The following MANBA variants were observed in gnomAD, a reference collection of about 807,000 sequenced individuals.
MANBA encodes the protein mannosidase beta, also known as beta-mannosidase.
MANBA carries 83 observed loss-of-function variants against 111.1 expected under a neutral mutation model. The ratio of observed to expected loss-of-function variants is 0.75; its 90% CI spans 0.63 to 0.90. The LOEUF (loss-of-function observed/expected upper bound fraction) is 0.90. Ranked by LOEUF, MANBA falls within the 40% of genes least tolerant of loss-of-function variation. MANBA has a pLI of 0.00. For synonymous variants in MANBA, 370 were observed against 378.7 expected, an observed-to-expected ratio of 0.98 and a Z score of 0.27; for missense variants, 1,036 against 1,069.0, an observed-to-expected ratio of 0.97 and a Z score of 0.43.
At chr4:102,707,716 T>C (rs1733363223) in intron 5 of MANBA, among the ~76,000 whole-genome samples, 1 of 152,138 alleles carries the variant, frequency 6.6e-6, no homozygotes, top group East Asian at 1.9e-4. Context: ...ATAAATTGAC[T>C]GACAGGATTT....
chr4:102,748,806 G>A (rs113256982), intron 1 of MANBA, among the ~76,000 whole-genome samples: 4,919 of 152,128 alleles, frequency 0.032, 255 homozygotes, highest in African/African-American at 0.11. Context: ...CCGGCTACTC[G>A]GGAGGCTGAG....
Position 102,722,979 on chromosome 4 carries a change from C to T in MANBA, c.441G>A (p.Ala147=), listed in dbSNP as rs773777923. ...VNSIELRFQS[A]VLYAAQQSKA... is the part of the protein sequence containing the mutation. ...TGCTCTGCTGTGCTGCATACAACACCGCTGACTGGAAACGCAGCTCAATGG... is the reference window on the plus strand; with the variant it reads ...TGCTCTGCTGTGCTGCATACAACACTGCTGACTGGAAACGCAGCTCAATGG... Residue 147 remains alanine, a synonymous_variant, in exon 4 of 17, where the codon GCG becomes GCA. Transcript: ENST00000647097. The T allele has an allele frequency of 9.9e-6, 16 of 1,614,022 alleles. No homozygotes were observed. Among genetic ancestry groups the T allele is most frequent in the African/African-American group, 8.0e-5 (6 of 74,938 alleles).
At chr4:102,676,815 G>A (rs574945459) in intron 7 of MANBA, among the ~76,000 whole-genome samples, 4 of 152,290 alleles carry the variant, frequency 2.6e-5, no homozygotes, top group African/African-American at 9.6e-5. Flanking sequence ...CGTTACAAAA[G>A]CAGTGGTGGG....
At chr4:102,681,389 C>G (rs1731969125) in intron 7 of MANBA, 5 of 151,946 alleles carry the variant, frequency 3.3e-5, no homozygotes, top group Admixed American at 2.6e-4. Flanking sequence ...TCTGCCACCC[C>G]CTACTAAAGC....
chr4:102,688,007 G>T (rs376679726), intron 7 of MANBA, among the ~76,000 whole-genome samples: 23 of 152,260 alleles, frequency 1.5e-4, no homozygotes, highest in African/African-American at 5.5e-4. Context: ...CGATTCAAAG[G>T]CTGGCATCTT....
chr4:102,662,525 C>A (rs1037127524), intron 11 of MANBA: 5 of 123,310 alleles, frequency 4.1e-5, no homozygotes, highest in African/African-American at 1.3e-4. Context: ...AGCCTGGTGA[C>A]AGATGAGACA....
At chr4:102,755,136 G>A (rs1449142583) in intron 1 of MANBA, among the ~76,000 whole-genome samples, 5 of 152,046 alleles carry the variant, frequency 3.3e-5, no homozygotes, top group Admixed American at 2.0e-4. Context: ...AGTTCATATG[G>A]AACCCAAAAA....
At chr4:102,693,225 C>G (rs1489129940) in intron 5 of MANBA, among the ~76,000 whole-genome samples, 1 of 152,124 alleles carries the variant, frequency 6.6e-6, no homozygotes, top group African/African-American at 2.4e-5. Flanking sequence ...GTTTAATTTC[C>G]TCTATTCAAT....
chr4:102,741,819 C>T (rs1310366628), intron 1 of MANBA, among the ~76,000 whole-genome samples: 1 of 152,172 alleles, frequency 6.6e-6, no homozygotes, highest in Non-Finnish European at 1.5e-5. Context: ...ATTGGGTGCA[C>T]TGTATACTGC....
chr4:102,639,165 G>A (rs1421828867), intron 14 of MANBA, among the ~76,000 whole-genome samples: 1 of 152,076 alleles, frequency 6.6e-6, no homozygotes, highest in African/African-American at 2.4e-5. Flanking sequence ...TTTCCCATTC[G>A]GGATTCTGCC....
intron 13 of MANBA, among the ~76,000 whole-genome samples, chr4:102,647,157 C>T (rs1218616696): frequency 6.0e-5 from 9 of 151,126 alleles, no homozygotes; most frequent in Admixed American, 5.3e-4. Flanking sequence ...AAAACCCTAA[C>T]ATTTCCTGTC....
chr4:102,756,443 A>G (rs538032265), intron 1 of MANBA, among the ~76,000 whole-genome samples: 12 of 152,190 alleles, frequency 7.9e-5, no homozygotes, highest in Non-Finnish European at 1.8e-4. Flanking sequence ...TGGGCACAGG[A>G]TGGGGAACAT....
At chr4:102,693,894 G>A (rs1248320829) in intron 5 of MANBA, among the ~76,000 whole-genome samples, 1 of 152,072 alleles carries the variant, frequency 6.6e-6, no homozygotes, top group Non-Finnish European at 1.5e-5. Context: ...GCCAGGCTTG[G>A]CTATTGTAAA....
At chr4:102,692,954 G>T (rs1049900341) in intron 5 of MANBA, among the ~76,000 whole-genome samples, 5 of 152,024 alleles carry the variant, frequency 3.3e-5, no homozygotes, top group African/African-American at 1.2e-4. Flanking sequence ...CACCAGGCCT[G>T]TTCTAAAGAT....
intron 12 of MANBA, among the ~76,000 whole-genome samples, chr4:102,652,343 T>C (rs936584921): frequency 8.5e-5 from 13 of 152,292 alleles, no homozygotes; most frequent in East Asian, 7.7e-4. Context: ...CCTTCCTCCT[T>C]TTCAAAGTCT....
intron 13 of MANBA, among the ~76,000 whole-genome samples, chr4:102,646,564 A>G (rs1730113327): frequency 6.6e-6 from 1 of 152,152 alleles, no homozygotes; most frequent in Non-Finnish European, 1.5e-5. Context: ...AAAGGCTGTA[A>G]GCTAAGGGCT....
Position 102,760,824 on chromosome 4 carries a change from C to G in MANBA, c.71G>C (p.Ser24Thr). The part of the protein sequence containing the change: ...AGTTAAELSY[S>T]LRGNWSICNG... The stretch of plus-strand genomic sequence containing the variant: ...GCAGATGCTCCAGTTGCCACGCAAG[C>G]TGTAACTGAGCTCCGCGGCGGTGGT... The change falls in exon 1 of 17, where the codon AGC becomes ACC. Residue 24 changes from serine (S) to threonine (T), a missense_variant. Transcript: ENST00000647097. 2 of 1,567,660 alleles carry G rather than the reference C, an allele frequency of 1.3e-6. No homozygotes were observed. The highest frequency in any genetic ancestry group is 1.2e-5 in the South Asian group (1 of 85,406).
intron 13 of MANBA, among the ~76,000 whole-genome samples, chr4:102,641,052 G>C (rs567164991): frequency 6.6e-6 from 1 of 152,154 alleles, no homozygotes; most frequent in African/African-American, 2.4e-5. Flanking sequence ...AGAAAGATAC[G>C]TAATCATTAA....
chr4:102,666,213 C>T (rs1731213278), intron 10 of MANBA: 1 of 152,210 alleles, frequency 6.6e-6, no homozygotes, highest in East Asian at 1.9e-4. Context: ...CATGCAATGG[C>T]TCTCCTTATC....
Sources: gnomAD v4.1 joint callset for allele counts (sites outside exome capture counted in the v4.1 genomes callset) on GRCh38, gnomAD v4.1.1 for gene constraint, MANE v1.5 for transcripts, NCBI Gene and HGNC (gene_info 2026-07-23, HGNC 2026-07-21) for gene names.